Variants in CFAP54 observed in about 807,000 individuals in gnomAD.
The protein encoded by CFAP54 is cilia and flagella associated protein 54, also known as cilia- and flagella-associated protein 54.
Under a neutral mutation model 370.4 loss-of-function variants are expected in CFAP54, and 290 were observed. The ratio of observed to expected loss-of-function variants is 0.78; its 90% CI spans 0.71 to 0.86. CFAP54 has a LOEUF of 0.86. Ranked by LOEUF, CFAP54 falls within the 40% of genes least tolerant of loss-of-function variation. The pLI, the probability that CFAP54 is intolerant of heterozygous loss-of-function variation, is 0.00. For synonymous variants in CFAP54, 1,206 were observed against 1,236.5 expected (o/e 0.98, Z 0.52); for missense variants, 3,399 against 3,528.7 (o/e 0.96, Z 0.93).
intron 17 of CFAP54, 165 bp downstream of exon 17, chr12:96,554,967 T>G: frequency 1.8e-6 from 1 of 555,066 alleles, no homozygotes; most frequent in Non-Finnish European, 2.8e-6. Context: ...TAATTAAATC[T>G]TTCCTTATTG....
chr12:96,615,685 A>T (rs6538730), intron 26 of CFAP54, among the ~76,000 whole-genome samples: 62,187 of 151,964 alleles, frequency 0.41, 13,090 homozygotes, highest in Admixed American at 0.5. Context: ...AAACAACCCC[A>T]TCAACAAGTG....
At chr12:96,861,060 A>G (rs1959868140) in intron 67 of CFAP54, 108 bp downstream of exon 67, 3 of 734,252 alleles carry the variant, frequency 4.1e-6, no homozygotes, top group Non-Finnish European at 5.9e-6. Context: ...TACACAAGCT[A>G]AATTTCTTTA....
At chr12:96,554,391 G>A (rs1955730413) in intron 16 of CFAP54, 81 bp downstream of exon 16, 1 of 1,411,170 alleles carries the variant, frequency 7.1e-7, no homozygotes, top group Admixed American at 3.0e-5. Flanking sequence ...GGTAAGTAAA[G>A]CATGACTTGT....
intron 5 of CFAP54, among the ~76,000 whole-genome samples, chr12:96,514,181 A>G (rs1410612016): frequency 3.3e-5 from 5 of 152,208 alleles, no homozygotes; most frequent in African/African-American, 9.6e-5. Flanking sequence ...TCTTTATTCC[A>G]TACAGAACCT....
intron 22 of CFAP54, among the ~76,000 whole-genome samples, chr12:96,586,858 A>G (rs541677723): frequency 4.6e-5 from 7 of 152,326 alleles, no homozygotes; most frequent in African/African-American, 1.2e-4. Flanking sequence ...TACATTGGAA[A>G]TAGAACGTAA....
intron 50 of CFAP54, 132 bp downstream of exon 50, chr12:96,720,697 C>G (rs1277501350): frequency 2.6e-6 from 2 of 777,224 alleles, no homozygotes; most frequent in East Asian, 6.9e-5. Flanking sequence ...TTTTATTATT[C>G]AGGGAAGTTT....
chr12:96,865,113 C>A (rs114737092), intron 67 of CFAP54, among the ~76,000 whole-genome samples: 2,990 of 152,190 alleles, frequency 0.02, 101 homozygotes, highest in African/African-American at 0.066. Flanking sequence ...TGAGCTCCCA[C>A]CCATTTGCCC....
intron 17 of CFAP54, among the ~76,000 whole-genome samples, chr12:96,557,892 G>A (rs1955771605): frequency 6.6e-6 from 1 of 152,036 alleles, no homozygotes; most frequent in African/African-American, 2.4e-5. Flanking sequence ...ATAGTTATCA[G>A]GTATGCAGGT....
At chr12:96,586,469 A>G (rs1286396374) in intron 22 of CFAP54, among the ~76,000 whole-genome samples, 1 of 152,202 alleles carries the variant, frequency 6.6e-6, no homozygotes, top group South Asian at 2.1e-4. Flanking sequence ...GGTAGATTAC[A>G]ATATTAAATA....
At chr12:96,550,576 CAAAAAAT>C (rs1955683350) in intron 15 of CFAP54, among the ~76,000 whole-genome samples, 1 of 151,670 alleles carries the variant, frequency 6.6e-6, no homozygotes, top group Non-Finnish European at 1.5e-5. Flanking sequence ...GACTCTGTCT[CAAAAAAT>C]AAAAAAATAA....
At position 96,554,309 on chromosome 12, in the gene CFAP54, A is replaced by C; in HGVS notation, c.2282A>C (p.Lys761Thr). ...TCAGTAATTGACCACTGCTATGCCA[A>C]GGTAAGAATGGAAGAGTCTTAAATT... Reference protein sequence around the residue: ...GSSVIDHCYAKRTHHIDGDTY... With the variant: ...GSSVIDHCYATRTHHIDGDTY... The change falls in exon 16 of 68, where the codon AAG becomes ACG. Residue 761 changes from lysine (K) to threonine (T), a missense_variant and splice_region_variant. Around this residue, in one of 3 missense-constraint regions of CFAP54, gnomAD observed 2,796 missense variants for 2,869.7 expected, o/e 0.97. Transcript: ENST00000524981. 1 of 1,510,172 alleles carries C rather than the reference A, an allele frequency of 6.6e-7. No homozygotes were observed. Among genetic ancestry groups the C allele is most frequent in the Non-Finnish European group, 8.8e-7 (1 of 1,138,326 alleles). 93.5% of individuals were successfully genotyped at this position (1,510,172 alleles called of 1,614,324 possible). A position where few individuals can be genotyped will look rare whatever the true frequency, so the allele number is the denominator to read the frequency against.
intron 19 of CFAP54, among the ~76,000 whole-genome samples, chr12:96,570,310 C>A (rs1868946495): frequency 6.9e-6 from 1 of 144,852 alleles, no homozygotes; most frequent in African/African-American, 2.5e-5. Flanking sequence ...GTCTTTTTTT[C>A]TTTTCTTTTT....
At chr12:96,785,591 G>A (rs1958621137) in intron 61 of CFAP54, among the ~76,000 whole-genome samples, 1 of 152,128 alleles carries the variant, frequency 6.6e-6, no homozygotes, top group African/African-American at 2.4e-5. Flanking sequence ...AAGGTGTCAG[G>A]ACGAAAAGGT....
rs77981628 is a variant in CFAP54 at position 96,685,130 on chromosome 12, C to T, written c.5906C>T (p.Thr1969Ile). The change falls in exon 42 of 68, where the codon ACC becomes ATC. Residue 1969 changes from threonine (T) to isoleucine (I), a missense_variant. Thr to Ile is a moderately conservative substitution (Grantham distance 89). This residue lies in a region of CFAP54 where 2,796 missense variants were observed against 2,869.7 expected (regional missense o/e 0.97). Coordinates refer to ENST00000524981, the MANE Select transcript of CFAP54 (RefSeq NM_001306084.2). ...TTTGGCCCCTCACTCACCAATGTCACCAACAGTCATTCACCTCCGGGTTTC... is the reference window on the plus strand; with the variant it reads ...TTTGGCCCCTCACTCACCAATGTCATCAACAGTCATTCACCTCCGGGTTTC... Reference protein sequence around the residue: ...KEFGPSLTNVTNSHSPPGFKD... With the variant: ...KEFGPSLTNVINSHSPPGFKD... 5,016 of 1,614,108 alleles carry T rather than the reference C, an allele frequency of 3.1e-3. 115 individuals carry two copies. The African/African-American group carries it at 0.056, about 18-fold the overall frequency.
intron 30 of CFAP54, among the ~76,000 whole-genome samples, chr12:96,629,367 G>T (rs559260452): frequency 6.6e-6 from 1 of 151,642 alleles, no homozygotes; most frequent in Non-Finnish European, 1.5e-5. Context: ...GCAGTGGCGC[G>T]ATCTTGGCTC....
At chr12:96,638,818 G>T (rs1219738447) in intron 32 of CFAP54, among the ~76,000 whole-genome samples, 2 of 152,058 alleles carry the variant, frequency 1.3e-5, no homozygotes, top group Non-Finnish European at 2.9e-5. Flanking sequence ...TCAATACAGT[G>T]CTAAAACAAA....
At chr12:96,508,287 C>CT (rs35129940) in intron 4 of CFAP54, among the ~76,000 whole-genome samples, 2 of 118,072 alleles carry the variant, frequency 1.7e-5, no homozygotes, top group Non-Finnish European at 3.6e-5. Context: ...TCTCAATAAT[C>CT]TTTTTTTTTT....
chr12:96,850,260 G>A (rs554728163), intron 66 of CFAP54, among the ~76,000 whole-genome samples: 1 of 151,266 alleles, frequency 6.6e-6, no homozygotes, highest in African/African-American at 2.4e-5. Flanking sequence ...TGAGGCTGAG[G>A]CAGGACAATG....
intron 42 of CFAP54, among the ~76,000 whole-genome samples, chr12:96,686,565 G>A (rs1054237349): frequency 2.6e-5 from 4 of 152,108 alleles, no homozygotes; most frequent in East Asian, 1.9e-4. Context: ...ATGGGAGCCC[G>A]CATCTCACAT....
Sources: allele counts gnomAD v4.1 joint callset (sites outside exome capture counted in the v4.1 genomes callset), GRCh38; gene constraint gnomAD v4.1.1; regional missense constraint gnomAD v4.1.1; transcripts MANE v1.5; gene names NCBI Gene and HGNC (gene_info 2026-07-23, HGNC 2026-07-21).